The following FHIT variants were observed in gnomAD, a reference collection of about 807,000 sequenced individuals.
The protein encoded by FHIT is bis(5'-adenosyl)-triphosphatase.
FHIT carries 19 observed loss-of-function variants against 17.9 expected under a neutral mutation model. That is an observed-to-expected ratio of 1.06 (90% confidence interval 0.74 to 1.56). The LOEUF (loss-of-function observed/expected upper bound fraction) is 1.56. Among genes scored for constraint, FHIT ranks in the 40% most tolerant of loss-of-function variants. The probability of loss-of-function intolerance (pLI) is 0.00; values close to 1 mark genes in which losing one functional copy is unlikely to be tolerated. For synonymous variants in FHIT, 81 were observed against 69.7 expected, an observed-to-expected ratio of 1.16 and a Z score of -0.81; for missense variants, 248 against 189.2, an observed-to-expected ratio of 1.31 and a Z score of -1.82.
chr3:61,066,184 A>G (rs1306658293), intron 2 of FHIT, among the ~76,000 whole-genome samples: 1 of 152,216 alleles, frequency 6.6e-6, no homozygotes, highest in Non-Finnish European at 1.5e-5. Context: ...ACATTAATTT[A>G]TTCACGGGGG....
chr3:60,166,692 G>A (rs962377455), intron 5 of FHIT, among the ~76,000 whole-genome samples: 31 of 152,194 alleles, frequency 2.0e-4, no homozygotes, highest in African/African-American at 7.5e-4. Context: ...GTCACAGACA[G>A]ATGGACACAT....
rs565271178 is a variant in FHIT, at chr3:61,097,801, T to C, written c.-163-55702A>G. Among the ~76,000 whole-genome samples the C allele has an allele frequency of 1.2e-4, 19 of 152,300 alleles. No homozygotes were observed. The South Asian group carries it at 3.9e-3, about 32-fold the overall frequency. ...CTTTGCCCACTTTTTAATGGGGTTG[T>C]TTTTCTCTTGTAAATTTGTTTAAGT... On this transcript the variant is annotated intron_variant, in intron 2 of 9. Coordinates refer to ENST00000492590, the MANE Select transcript of FHIT (RefSeq NM_002012.4).
At chr3:61,107,452 T>G (rs2036023812) in intron 2 of FHIT, among the ~76,000 whole-genome samples, 1 of 152,220 alleles carries the variant, frequency 6.6e-6, no homozygotes, top group Non-Finnish European at 1.5e-5. Context: ...CAGATATCCT[T>G]AGAAGACTTA....
intron 5 of FHIT, among the ~76,000 whole-genome samples, chr3:60,098,313 C>G (rs868047029): frequency 1.2e-4 from 17 of 146,816 alleles, no homozygotes; most frequent in African/African-American, 4.0e-4. Context: ...AATGGTTGAA[C>G]TAGTTTACAG....
intron 7 of FHIT, among the ~76,000 whole-genome samples, chr3:59,938,635 T>C (rs532549387): frequency 1.3e-5 from 2 of 152,330 alleles, no homozygotes; most frequent in Admixed American, 1.3e-4. Context: ...ATAGTAACTA[T>C]TTTACTATTT....
intron 8 of FHIT, among the ~76,000 whole-genome samples, chr3:59,908,646 G>A (rs907606943): frequency 6.6e-6 from 1 of 151,966 alleles, no homozygotes; most frequent in Non-Finnish European, 1.5e-5. Context: ...TACCCCACAC[G>A]ACATGTTGCT....
intron 8 of FHIT, among the ~76,000 whole-genome samples, chr3:59,907,302 T>C (rs2107116714): frequency 6.6e-6 from 1 of 152,342 alleles, no homozygotes; most frequent in Non-Finnish European, 1.5e-5. Context: ...TACCCATGTG[T>C]AGCAGGCTAA....
At chr3:60,297,376 A>T (rs950879590) in intron 5 of FHIT, among the ~76,000 whole-genome samples, 2 of 151,876 alleles carry the variant, frequency 1.3e-5, no homozygotes, top group Admixed American at 6.6e-5. Flanking sequence ...ATTTTCATGT[A>T]TTTATTTTTG....
intron 7 of FHIT, among the ~76,000 whole-genome samples, chr3:59,974,794 A>G (rs1423818315): frequency 2.6e-5 from 4 of 152,130 alleles, no homozygotes; most frequent in Non-Finnish European, 4.4e-5. Context: ...CTAATATTCT[A>G]AGGTTGTCGG....
intron 4 of FHIT, among the ~76,000 whole-genome samples, chr3:60,752,549 C>T (rs2042488586): frequency 1.3e-5 from 2 of 152,162 alleles, no homozygotes; most frequent in African/African-American, 4.8e-5. Context: ...AAGTTCTCAA[C>T]AATGGCTACT....
At chr3:60,448,537 C>T (rs940040304) in intron 5 of FHIT, among the ~76,000 whole-genome samples, 10 of 152,066 alleles carry the variant, frequency 6.6e-5, no homozygotes, top group African/African-American at 1.7e-4. Flanking sequence ...CTCATTCTTA[C>T]GGATAAGGAA....
Position 60,727,982 on chromosome 3 carries a change from C to T in FHIT, c.-18+93937G>A, listed in dbSNP as rs559216585. Reference sequence around the variant, plus strand: ...TCACGCCACCGCACTCCAGCCTGGGCGACAGGGCGAGACTCCGTCTCAAAA... The same window carrying T: ...TCACGCCACCGCACTCCAGCCTGGGTGACAGGGCGAGACTCCGTCTCAAAA... On this transcript the variant is annotated intron_variant, in intron 4 of 9. Coordinates refer to ENST00000492590, the MANE Select transcript of FHIT (RefSeq NM_002012.4). Among the ~76,000 whole-genome samples, 4 of 152,022 alleles carry T rather than the reference C, an allele frequency of 2.6e-5. No homozygotes were observed. The South Asian group carries it at 6.2e-4, about 24-fold the overall frequency.
intron 2 of FHIT, among the ~76,000 whole-genome samples, chr3:61,142,399 C>T (rs180757759): frequency 6.6e-6 from 1 of 151,648 alleles, no homozygotes; most frequent in Admixed American, 6.6e-5. Flanking sequence ...CTGAGAACTG[C>T]ATGCAAAATA....
At chr3:60,294,077 G>T (rs1391491936) in intron 5 of FHIT, among the ~76,000 whole-genome samples, 1 of 151,962 alleles carries the variant, frequency 6.6e-6, no homozygotes, top group Non-Finnish European at 1.5e-5. Context: ...ATTTTTCCAG[G>T]AGCAACACAG....
In FHIT at chr3:61,054,280, A is replaced by G. The variant is rs72875931; in HGVS notation, c.-163-12181T>C. On this transcript the variant is annotated intron_variant, in intron 2 of 9. Transcript: ENST00000492590. ...AATAAATTCCCCAGCTCTGGGCTGAACAGGTGTAATTCAGTAATGTAGCTA... is the reference window on the plus strand; with the variant it reads ...AATAAATTCCCCAGCTCTGGGCTGAGCAGGTGTAATTCAGTAATGTAGCTA... Among the ~76,000 whole-genome samples the G allele has an allele frequency of 6.3e-3, 952 of 152,308 alleles. 8 individuals carry two copies. The highest frequency in any genetic ancestry group is 0.02 in the African/African-American group (850 of 41,566).
intron 5 of FHIT, among the ~76,000 whole-genome samples, chr3:60,367,025 TGAA>T (rs1186836459): frequency 1.3e-5 from 2 of 151,974 alleles, no homozygotes; most frequent in Non-Finnish European, 2.9e-5. Context: ...CTGAGGAGAG[TGAA>T]GAAGAAGAAA....
intron 4 of FHIT, among the ~76,000 whole-genome samples, chr3:60,551,802 C>T (rs2036568860): frequency 6.6e-6 from 1 of 151,056 alleles, no homozygotes; most frequent in Non-Finnish European, 1.5e-5. Flanking sequence ...ATGCCCCATT[C>T]CCAGATTATT....
intron 4 of FHIT, among the ~76,000 whole-genome samples, chr3:60,602,819 A>G (rs2038488501): frequency 6.6e-6 from 1 of 152,154 alleles, no homozygotes; most frequent in Non-Finnish European, 1.5e-5. Context: ...TAGTGCCTGT[A>G]TAAAAAAGAC....
intron 8 of FHIT, among the ~76,000 whole-genome samples, chr3:59,865,022 A>T (rs1702579837): frequency 6.6e-6 from 1 of 152,154 alleles, no homozygotes; most frequent in African/African-American, 2.4e-5. Context: ...TTCAGCCTAA[A>T]TTGAAACTGC....
Sources: allele counts gnomAD v4.1 joint callset (sites outside exome capture counted in the v4.1 genomes callset), GRCh38; gene constraint gnomAD v4.1.1; transcripts MANE v1.5; gene names NCBI Gene and HGNC (gene_info 2026-07-23, HGNC 2026-07-21).